Variants in TRDN observed in about 807,000 individuals in gnomAD.
TRDN encodes triadin, also known as triadin in skeletal muscle.
Under a neutral mutation model 149.7 loss-of-function variants are expected in TRDN, and 161 were observed. The ratio of observed to expected loss-of-function variants is 1.08; its 90% CI spans 0.95 to 1.23. The LOEUF (loss-of-function observed/expected upper bound fraction) is 1.23, where lower values mean the gene tolerates loss of function less well. TRDN is among the 50% of genes most tolerant of loss of function. The probability of loss-of-function intolerance (pLI) is 0.00; values close to 1 mark genes in which losing one functional copy is unlikely to be tolerated. For synonymous variants in TRDN, 294 were observed against 250.5 expected, an observed-to-expected ratio of 1.17 and a Z score of -1.64; for missense variants, 896 against 823.5, an observed-to-expected ratio of 1.09 and a Z score of -1.08.
At chr6:123,278,772 A>G (rs1777468113) in intron 25 of TRDN, among the ~76,000 whole-genome samples, 1 of 152,230 alleles carries the variant, frequency 6.6e-6, no homozygotes, top group African/African-American at 2.4e-5. Flanking sequence ...CTGTCTCAAA[A>G]AAATTTTTTT....
intron 12 of TRDN, among the ~76,000 whole-genome samples, chr6:123,426,514 G>C (rs1004017693): frequency 2.0e-5 from 3 of 152,136 alleles, no homozygotes; most frequent in Admixed American, 6.6e-5. Context: ...TATTTTTAGA[G>C]GGAAGACAGC....
At chr6:123,508,768 C>T (rs1779039411) in intron 7 of TRDN, among the ~76,000 whole-genome samples, 1 of 152,178 alleles carries the variant, frequency 6.6e-6, no homozygotes, top group African/African-American at 2.4e-5. Flanking sequence ...GAGCAAGAAA[C>T]ATGCTGTGTT....
intron 1 of TRDN, among the ~76,000 whole-genome samples, chr6:123,591,992 A>G (rs1299446720): frequency 6.6e-6 from 1 of 152,174 alleles, no homozygotes; most frequent in Non-Finnish European, 1.5e-5. Context: ...ATGAAAGGAA[A>G]CTGAAAAAGA....
intron 2 of TRDN, among the ~76,000 whole-genome samples, chr6:123,552,241 C>T (rs565855019): frequency 6.6e-6 from 1 of 152,112 alleles, no homozygotes; most frequent in South Asian, 2.1e-4. Flanking sequence ...ATTCTTGGCA[C>T]TGATGAAAGA....
At chr6:123,350,632 T>G (rs1383550453) in intron 21 of TRDN, 1 of 760,616 alleles carries the variant, frequency 1.3e-6, no homozygotes, top group Admixed American at 6.3e-5. Context: ...GCACAAAATA[T>G]CTATTTTTTG....
At chr6:123,259,730 G>A in intron 34 of TRDN, 68 bp from the exon 35 acceptor site, 1 of 1,155,716 alleles carries the variant, frequency 8.7e-7, no homozygotes, top group African/African-American at 1.6e-5. Context: ...CATTCTTGGA[G>A]TAAACAGTTG....
intron 1 of TRDN, among the ~76,000 whole-genome samples, chr6:123,611,679 T>C (rs1209945633): frequency 6.6e-6 from 1 of 152,180 alleles, no homozygotes; most frequent in Non-Finnish European, 1.5e-5. Flanking sequence ...ATAAGTCACA[T>C]TGTGAGTACA....
intron 38 of TRDN, among the ~76,000 whole-genome samples, chr6:123,229,018 G>A (rs1775494341): frequency 6.6e-6 from 1 of 151,930 alleles, no homozygotes; most frequent in African/African-American, 2.4e-5. Flanking sequence ...AACATTATAA[G>A]TAGTGTAAGC....
At chr6:123,482,060 C>T (rs1258275768) in intron 9 of TRDN, among the ~76,000 whole-genome samples, 1 of 152,186 alleles carries the variant, frequency 6.6e-6, no homozygotes, top group Non-Finnish European at 1.5e-5. Flanking sequence ...TTGTTTCCAC[C>T]TGTGGGAAAA....
chr6:123,585,140 A>C (rs1351292875), intron 1 of TRDN, among the ~76,000 whole-genome samples: 3 of 134,530 alleles, frequency 2.2e-5, no homozygotes, highest in Non-Finnish European at 5.0e-5. Context: ...CTTGTGGGTT[A>C]AGGTGGGGGA....
rs181880950 is a variant in TRDN, at chr6:123,496,612, G to A, written c.853+581C>T. Reference sequence around the variant, plus strand: ...TAAAAAATACCTTTTTATACTCTGGGCAACAATTAAAGATACAAGACAAGG... The same window carrying A: ...TAAAAAATACCTTTTTATACTCTGGACAACAATTAAAGATACAAGACAAGG... On this transcript the variant is annotated intron_variant, in intron 9 of 40. Transcript: ENST00000334268. Among the ~76,000 whole-genome samples the A allele has an allele frequency of 2.8e-3, 424 of 151,964 alleles. 1 individual carries two copies. The highest frequency in any genetic ancestry group is 5.8e-3 in the Admixed American group (88 of 15,260).
At chr6:123,275,041 A>G (rs1777324483) in intron 26 of TRDN, among the ~76,000 whole-genome samples, 8 of 152,130 alleles carry the variant, frequency 5.3e-5, no homozygotes, top group Admixed American at 4.6e-4. Context: ...CAAAGTCAAC[A>G]TAAGATAAAT....
intron 1 of TRDN, among the ~76,000 whole-genome samples, chr6:123,592,004 G>A (rs758400823): frequency 2.0e-5 from 3 of 152,112 alleles, no homozygotes; most frequent in Non-Finnish European, 4.4e-5. Context: ...TGAAAAAGAA[G>A]AGTTAAAAAG....
In TRDN at chr6:123,403,774, G is replaced by T. The variant is rs76954841; in HGVS notation, c.1052-10097C>A. 3.5e-3 allele frequency among the ~76,000 whole-genome samples: 528 copies of T among 151,716 alleles called. 17 individuals carry two copies. The East Asian group carries it at 0.077, about 22-fold the overall frequency. ...AAAAAACTCAACATAACTGAAAATAGAATTTTACTAAATAAAGAAAAGTTT... is the reference window on the plus strand; with the variant it reads ...AAAAAACTCAACATAACTGAAAATATAATTTTACTAAATAAAGAAAAGTTT... On this transcript the variant is annotated intron_variant, in intron 12 of 40. Coordinates refer to ENST00000334268, the MANE Select transcript of TRDN (RefSeq NM_006073.4).
intron 21 of TRDN, among the ~76,000 whole-genome samples, chr6:123,340,050 G>A (rs189565699): frequency 1.2e-4 from 19 of 152,196 alleles, no homozygotes; most frequent in African/African-American, 4.1e-4. Context: ...ATGGGCCTGA[G>A]TATATTTAAC....
chr6:123,589,275 A>C (rs1212113318), intron 1 of TRDN, among the ~76,000 whole-genome samples: 1 of 152,210 alleles, frequency 6.6e-6, no homozygotes, highest in African/African-American at 2.4e-5. Context: ...TAAGATAAAC[A>C]TAAGATCCAT....
intron 12 of TRDN, among the ~76,000 whole-genome samples, chr6:123,419,092 C>T (rs1773787130): frequency 6.6e-6 from 1 of 151,828 alleles, no homozygotes; most frequent in African/African-American, 2.4e-5. Context: ...ACTGATAGAT[C>T]CAGTTTCTCT....
At chr6:123,387,418 T>C (rs1781946108) in intron 14 of TRDN, among the ~76,000 whole-genome samples, 1 of 152,244 alleles carries the variant, frequency 6.6e-6, no homozygotes, top group Admixed American at 6.5e-5. Flanking sequence ...TATGGTGAAA[T>C]GAGTGACTTT....
intron 24 of TRDN, among the ~76,000 whole-genome samples, chr6:123,301,741 G>GTATATCTATACATA (rs1778404477): frequency 2.1e-5 from 1 of 47,354 alleles, no homozygotes; most frequent in Non-Finnish European, 5.7e-5. Flanking sequence ...ATGTATGTAT[G>GTATATCTATACATA]TATATATATA....
Sources: gnomAD v4.1 joint callset for allele counts (sites outside exome capture counted in the v4.1 genomes callset) on GRCh38, gnomAD v4.1.1 for gene constraint, MANE v1.5 for transcripts, NCBI Gene and HGNC (gene_info 2026-07-23, HGNC 2026-07-21) for gene names.